GUCY1B1: variants seen among roughly 807,000 people sequenced by gnomAD.
The protein encoded by GUCY1B1 is guanylate cyclase soluble subunit beta-1.
GUCY1B1 carries 43 observed loss-of-function variants against 71.0 expected under a neutral mutation model. The ratio of observed to expected loss-of-function variants is 0.61; its 90% CI spans 0.47 to 0.78. GUCY1B1 has a LOEUF of 0.78. Ranked by LOEUF, GUCY1B1 falls within the 30% of genes least tolerant of loss-of-function variation. GUCY1B1 has a pLI of 0.00. For missense variants in GUCY1B1, 535 were observed against 754.1 expected (o/e 0.71, Z 3.40); for synonymous variants, 266 against 259.7 (o/e 1.02, Z -0.23).
rs779479222 is a variant in GUCY1B1, at chr4:155,789,717, C to T, written c.301C>T (p.Leu101Phe). The change falls in exon 5 of 14, where the codon CTT becomes TTT. Residue 101 changes from leucine to phenylalanine, a missense_variant. By Grantham distance (22) the Leu-to-Phe change is conservative (BLOSUM62 0). Coordinates refer to ENST00000264424, the MANE Select transcript of GUCY1B1 (RefSeq NM_000857.5). ...GSNVREFLQN[L>F]DALHDHLATI... ...CTCCCTTTCTTCTTTGCTGCAGAAC[C>T]TTGATGCTCTGCACGACCACCTTGC... The T allele has an allele frequency of 6.3e-7, 1 of 1,578,766 alleles. No homozygotes were observed. Among genetic ancestry groups the T allele is most frequent in the Non-Finnish European group, 8.7e-7 (1 of 1,154,478 alleles).
intron 3 of GUCY1B1, 60 bp downstream of exon 3, chr4:155,775,128 A>G: frequency 1.2e-6 from 1 of 866,806 alleles, no homozygotes; most frequent in South Asian, 1.3e-5. Flanking sequence ...CACAGAATGC[A>G]TGGTTCAAGA....
chr4:155,770,040 T>C (rs1178159132), intron 2 of GUCY1B1, among the ~76,000 whole-genome samples: 1 of 152,120 alleles, frequency 6.6e-6, no homozygotes, highest in African/African-American at 2.4e-5. Context: ...CAAAAATAAA[T>C]TTTAAATTAC....
chr4:155,806,242 C>T (rs1740303477), intron 13 of GUCY1B1, 144 bp from the exon 14 acceptor site: 1 of 540,700 alleles, frequency 1.8e-6, no homozygotes, highest in Non-Finnish European at 3.3e-6. Flanking sequence ...TCCTGTTTTT[C>T]CCAGAATTAT....
chr4:155,800,075 G>T lies in GUCY1B1; in HGVS notation c.1175+1G>T, dbSNP rs754412067. ...AAGATGAAAAGAAAAAGACAGACAC[G>T]TAAGAATGTAACGCTTGGAGCACTA... On this transcript the variant is annotated splice_donor_variant, in intron 9 of 13. Coordinates refer to ENST00000264424, the MANE Select transcript of GUCY1B1 (RefSeq NM_000857.5). LOFTEE classifies it high-confidence loss of function. The T allele has an allele frequency of 6.3e-7, 1 of 1,597,018 alleles. No individual in the cohort carries two copies. Among genetic ancestry groups the T allele is most frequent in the South Asian group, 1.1e-5 (1 of 90,088 alleles).
chr4:155,773,861 G>T (rs1198319222), intron 2 of GUCY1B1, among the ~76,000 whole-genome samples: 2 of 152,118 alleles, frequency 1.3e-5, no homozygotes, highest in African/African-American at 2.4e-5. Context: ...CTAATTTTTT[G>T]TATTTTTAGC....
chr4:155,797,542 A>G, intron 8 of GUCY1B1, among the ~76,000 whole-genome samples: 1 of 151,978 alleles, frequency 6.6e-6, no homozygotes, highest in Admixed American at 6.6e-5. Context: ...GTTCAAGATC[A>G]GCCTGGCAAA....
chr4:155,777,419 T>C (rs927923681), intron 3 of GUCY1B1, 105 bp from the exon 4 acceptor site: 1 of 683,262 alleles, frequency 1.5e-6, no homozygotes, highest in East Asian at 2.7e-5. Flanking sequence ...TGCACAAAAA[T>C]TGAAGACATT....
Position 155,804,672 on chromosome 4 carries a change from A to G in GUCY1B1, c.1634A>G (p.Asn545Ser). 1 of 1,613,324 alleles carries G rather than the reference A, an allele frequency of 6.2e-7. No individual in the cohort carries two copies. Among genetic ancestry groups the G allele is most frequent in the Non-Finnish European group, 8.5e-7 (1 of 1,179,384 alleles). ...QRMPRYCLFGNTVNLTSRTET... is the reference protein window; with the variant it reads ...QRMPRYCLFGSTVNLTSRTET... ...ATGCCTCGATACTGTCTTTTTGGGA[A>G]TACTGTCAACCTCACAAGCCGAACA... Residue 545 changes from asparagine to serine, a missense_variant, in exon 12 of 14, where the codon AAT becomes AGT. Asn to Ser is a conservative substitution (Grantham distance 46). Coordinates refer to ENST00000264424, the MANE Select transcript of GUCY1B1 (RefSeq NM_000857.5).
chr4:155,777,969 GT>G (rs1166775997), intron 4 of GUCY1B1, among the ~76,000 whole-genome samples: 2 of 151,984 alleles, frequency 1.3e-5, no homozygotes, highest in African/African-American at 2.4e-5. Flanking sequence ...AGTGATTGTG[GT>G]TTTATGTGTT....
chr4:155,789,649 T>C (rs962863345), intron 4 of GUCY1B1, 65 bp from the exon 5 acceptor site: 8 of 938,100 alleles, frequency 8.5e-6, no homozygotes, highest in Admixed American at 2.3e-5. Flanking sequence ...CATATCTTGC[T>C]TTCCCAGAGT....
At chr4:155,776,401 G>A (rs1738046303) in intron 3 of GUCY1B1, among the ~76,000 whole-genome samples, 3 of 152,162 alleles carry the variant, frequency 2.0e-5, no homozygotes, top group Admixed American at 1.3e-4. Flanking sequence ...GAATAAGATA[G>A]CAATTAAAAC....
At chr4:155,767,430 A>G (rs1274895667) in intron 2 of GUCY1B1, among the ~76,000 whole-genome samples, 1 of 152,158 alleles carries the variant, frequency 6.6e-6, no homozygotes, top group Non-Finnish European at 1.5e-5. Context: ...AGAAATTACC[A>G]TTAAGGGTCT....
At chr4:155,769,650 A>G (rs1258813067) in intron 2 of GUCY1B1, among the ~76,000 whole-genome samples, 2 of 152,212 alleles carry the variant, frequency 1.3e-5, no homozygotes, top group Non-Finnish European at 2.9e-5. Context: ...ATTATTTGAT[A>G]GATGAGCACT....
At chr4:155,787,749 T>G (rs889258965) in intron 4 of GUCY1B1, among the ~76,000 whole-genome samples, 3 of 152,132 alleles carry the variant, frequency 2.0e-5, no homozygotes, top group Non-Finnish European at 4.4e-5. Context: ...GGACAGAAAA[T>G]TAATGCTGTA....
At position 155,796,402 on chromosome 4, in the gene GUCY1B1, T is replaced by G; in HGVS notation, c.869T>G (p.Leu290Ter). ...SKEGLLDVEKLECEDELTGTE... is the reference protein window; with the variant it reads ...SKEGLLDVEK ...GAAGGATTGTTGGATGTGGAGAAAT[T>G]AGAATGTGAGGATGAACTGACTGGG... Residue 290 changes from leucine to a stop codon, truncating the protein, a stop_gained, in exon 8 of 14, where the codon TTA becomes TGA. Transcript: ENST00000264424. LOFTEE classifies it high-confidence loss of function. The G allele has an allele frequency of 6.2e-7, 1 of 1,613,426 alleles. No individual in the cohort carries two copies. The highest frequency in any genetic ancestry group is 8.5e-7 in the Non-Finnish European group (1 of 1,179,486).
Position 155,802,289 on chromosome 4 carries a change from A to G in GUCY1B1, c.1176-53A>G, listed in dbSNP as rs1430117649. 6.2e-7 allele frequency: 1 copy of G among 1,608,530 alleles called. No homozygotes were observed. Among genetic ancestry groups the G allele is most frequent in the Non-Finnish European group, 8.5e-7 (1 of 1,177,788 alleles). The stretch of plus-strand genomic sequence containing the variant: ...GTGTGAAAAGGACAGCAGAAGCACT[A>G]AAGGCTTTCCCAGTATTTCTTACAG... On this transcript the variant is annotated intron_variant, in intron 9 of 13. Transcript: ENST00000264424. This position sits in a 1 kb window ranked among gnomAD's most constrained non-coding sequence, Gnocchi z 4.3.
chr4:155,774,924 A>C, intron 2 of GUCY1B1, 44 bp from the exon 3 acceptor site: 1 of 1,001,994 alleles, frequency 1.0e-6, no homozygotes, highest in South Asian at 1.3e-5. Flanking sequence ...CTATTTTTTT[A>C]ACTTCAACTT....
In GUCY1B1 at chr4:155,779,098, C is replaced by A. The variant is rs1449627905; in HGVS notation, c.297+1456C>A. ...GAGCTGCTTTATCCAATAGGACAGC[C>A]ACTAGTGCATGAGGCTACTCAGCAT... is the stretch of plus-strand genomic sequence containing the variant. On this transcript the variant is annotated intron_variant, in intron 4 of 13. Transcript: ENST00000264424. Among the ~76,000 whole-genome samples the A allele has an allele frequency of 6.6e-5, 10 of 151,946 alleles. No individual in the cohort carries two copies. The East Asian group carries it at 1.9e-3, about 29-fold the overall frequency.
chr4:155,760,957 C>T (rs1431650511), intron 2 of GUCY1B1, among the ~76,000 whole-genome samples: 1 of 152,140 alleles, frequency 6.6e-6, no homozygotes, highest in African/African-American at 2.4e-5. Context: ...TATGCAGTTA[C>T]ATGATGGTGA....
Sources: gnomAD v4.1 joint callset for allele counts (sites outside exome capture counted in the v4.1 genomes callset) on GRCh38, gnomAD v4.1.1 for gene constraint, Gnocchi (gnomAD v3.1) non-coding constraint, MANE v1.5 for transcripts, NCBI Gene and HGNC (gene_info 2026-07-23, HGNC 2026-07-21) for gene names.